Variants in HGD observed in about 807,000 individuals in gnomAD.
HGD encodes the protein homogentisate 1,2-dioxygenase, also known as homogentisate oxidase.
Under a neutral mutation model 60.8 loss-of-function variants are expected in HGD, and 61 were observed. That is an observed-to-expected ratio of 1.00 (90% CI 0.82 to 1.24). The LOEUF (loss-of-function observed/expected upper bound fraction) is 1.24, where lower values mean the gene tolerates loss of function less well. HGD is among the 50% of genes most tolerant of loss of function. HGD has a pLI of 0.00. For synonymous variants in HGD, 212 were observed against 187.7 expected (o/e 1.13, Z -1.06); for missense variants, 542 against 547.1 (o/e 0.99, Z 0.09).
intron 11 of HGD, among the ~76,000 whole-genome samples, chr3:120,640,151 A>AAGGC (rs1249968438): frequency 6.7e-6 from 1 of 149,872 alleles, no homozygotes; most frequent in Non-Finnish European, 1.5e-5. Flanking sequence ...GGAAGGAAAG[A>AAGGC]AGGAAGGAAG....
At chr3:120,644,072 C>T in intron 10 of HGD, among the ~76,000 whole-genome samples, 1 of 152,136 alleles carries the variant, frequency 6.6e-6, no homozygotes, top group South Asian at 2.1e-4. Context: ...TGGAGTCAGA[C>T]AGATATGGGT....
intron 5 of HGD, among the ~76,000 whole-genome samples, chr3:120,652,184 A>G (rs1157028171): frequency 6.6e-6 from 1 of 152,140 alleles, no homozygotes; most frequent in African/African-American, 2.4e-5. Context: ...TGTTTTTAAT[A>G]GTATTTTTAT....
chr3:120,636,593 G>A (rs568102618), intron 12 of HGD, among the ~76,000 whole-genome samples: 1 of 152,274 alleles, frequency 6.6e-6, no homozygotes, highest in South Asian at 2.1e-4. Flanking sequence ...TAACTTCCAG[G>A]AGGAGAAAAG....
chr3:120,675,952 A>T (rs1336230997), intron 1 of HGD, 89 bp from the exon 2 acceptor site: 37 of 883,208 alleles, frequency 4.2e-5, no homozygotes, highest in Non-Finnish European at 6.2e-5. Context: ...AAGAATTTCT[A>T]TATGGACCTA....
At chr3:120,655,385 T>G (rs1335415202) in intron 4 of HGD, among the ~76,000 whole-genome samples, 2 of 152,226 alleles carry the variant, frequency 1.3e-5, no homozygotes, top group Non-Finnish European at 2.9e-5. Context: ...TTGACGAACC[T>G]TCTCTAATGC....
chr3:120,640,836 T>C (rs1054386566), intron 11 of HGD, among the ~76,000 whole-genome samples: 1 of 152,198 alleles, frequency 6.6e-6, no homozygotes, highest in Non-Finnish European at 1.5e-5. Context: ...TAAACTGAAC[T>C]GGCTCACAAT....
At chr3:120,665,634 T>A (rs1287983674) in intron 4 of HGD, among the ~76,000 whole-genome samples, 1 of 152,236 alleles carries the variant, frequency 6.6e-6, no homozygotes, top group Non-Finnish European at 1.5e-5. Flanking sequence ...TGATTAAATA[T>A]ACACTAAAGA....
intron 3 of HGD, among the ~76,000 whole-genome samples, chr3:120,673,040 G>T (rs757603784): frequency 9.2e-5 from 14 of 152,094 alleles, no homozygotes; most frequent in Non-Finnish European, 1.5e-4. Flanking sequence ...CAGATGAGTA[G>T]TAACTAAGAA....
At chr3:120,675,174 T>C (rs902917038) in intron 2 of HGD, among the ~76,000 whole-genome samples, 185 bp from the exon 3 acceptor site, 1 of 152,108 alleles carries the variant, frequency 6.6e-6, no homozygotes, top group Non-Finnish European at 1.5e-5. Flanking sequence ...TAATATATAT[T>C]TATTGTAGAA....
At chr3:120,665,214 A>G (rs1707871865) in intron 4 of HGD, among the ~76,000 whole-genome samples, 1 of 152,230 alleles carries the variant, frequency 6.6e-6, no homozygotes, top group African/African-American at 2.4e-5. Flanking sequence ...ATTTGCATGT[A>G]CTAGAGACAG....
chr3:120,640,459 T>C (rs900735959), intron 11 of HGD, among the ~76,000 whole-genome samples: 2 of 152,122 alleles, frequency 1.3e-5, no homozygotes, highest in African/African-American at 4.8e-5. Context: ...TGCTTCAGAG[T>C]GCAGACTTAA....
At chr3:120,638,662 A>G in intron 11 of HGD, 81 bp from the exon 12 acceptor site, 1 of 1,506,832 alleles carries the variant, frequency 6.6e-7, no homozygotes, top group Non-Finnish European at 9.2e-7. Context: ...GCATACATGA[A>G]GGTGTTTGCA....
intron 12 of HGD, among the ~76,000 whole-genome samples, chr3:120,635,152 C>T (rs113051200): frequency 2.6e-5 from 4 of 152,156 alleles, no homozygotes; most frequent in African/African-American, 7.2e-5. Flanking sequence ...TTTCAAAGGA[C>T]AGTGGGAGGA....
At chr3:120,630,821 T>TAC (rs1940563729) in intron 13 of HGD, among the ~76,000 whole-genome samples, 2 of 80,696 alleles carry the variant, frequency 2.5e-5, no homozygotes, top group Admixed American at 1.4e-4. Flanking sequence ...TATATATATA[T>TAC]ATATACACAT....
intron 2 of HGD, 83 bp downstream of exon 2, chr3:120,675,709 G>A (rs1708114954): frequency 7.8e-6 from 8 of 1,020,014 alleles, no homozygotes; most frequent in Admixed American, 6.8e-5. Flanking sequence ...GAAGAGCCAC[G>A]GTGGGTGGAG....
Position 120,674,979 on chromosome 3 carries a change from T to G in HGD, c.98A>C (p.Gln33Pro). The stretch of plus-strand genomic sequence containing the variant: ...AGCATAGAGATTGTAGGGGCAGACC[T>G]GAGGATTATTCTGAAACAAAGGATG... Reference protein sequence around the residue: ...GSLPEGQNNPQVCPYNLYAEQ... With the variant: ...GSLPEGQNNPPVCPYNLYAEQ... The change falls in exon 3 of 14, where the codon CAG (glutamine) becomes CCG (proline). Residue 33 changes from glutamine to proline, a missense_variant. Transcript: ENST00000283871. 1 of 1,609,608 alleles carries G rather than the reference T, an allele frequency of 6.2e-7. No individual in the cohort carries two copies. The highest frequency in any genetic ancestry group is 8.5e-7 in the Non-Finnish European group (1 of 1,176,262).
Position 120,644,361 on chromosome 3 carries a change from C to A in HGD, c.732G>T (p.Thr244=). ...YEDRQVPGGY[T]VINKYQGKLF... ...GCTTGCCCTGGTATTTATTAATGAC[C>A]GTGTAACCACCTGGTACTTGGCGAT... Residue 244 remains threonine (T), a synonymous_variant, in exon 10 of 14, where the codon ACG becomes ACT. Transcript: ENST00000283871. 6.2e-7 allele frequency: 1 copy of A among 1,614,060 alleles called. No homozygotes were observed. Among genetic ancestry groups the A allele is most frequent in the South Asian group, 1.1e-5 (1 of 91,074 alleles).
chr3:120,647,997 C>A, intron 6 of HGD, 86 bp from the exon 7 acceptor site: 1 of 1,098,372 alleles, frequency 9.1e-7, no homozygotes, highest in Non-Finnish European at 1.4e-6. Flanking sequence ...TTGTTTAGTG[C>A]CTATGTAGCA....
Position 120,643,744 on chromosome 3 carries a change from ATATAT to A in HGD, c.774+570_774+574del, listed in dbSNP as rs760250016. Among the ~76,000 whole-genome samples the A allele has an allele frequency of 1.6e-4, 24 of 152,282 alleles. No individual in the cohort carries two copies. In the Middle Eastern group the frequency reaches 0.02, roughly 129 times the overall value. ...TAATATATATTCAGTACATTTAGTAATATATTATGTTATAGAGTCCATATTACATT... is the reference window on the plus strand; with the variant it reads ...TAATATATATTCAGTACATTTAGTAATATGTTATAGAGTCCATATTACATT... On this transcript the variant is annotated intron_variant, in intron 10 of 13. Transcript: ENST00000283871.
Sources: gnomAD v4.1 joint callset for allele counts (sites outside exome capture counted in the v4.1 genomes callset) on GRCh38, gnomAD v4.1.1 for gene constraint, MANE v1.5 for transcripts, NCBI Gene and HGNC (gene_info 2026-07-23, HGNC 2026-07-21) for gene names.